The following FAM3D variants were observed in gnomAD, a reference collection of about 807,000 sequenced individuals.
The protein encoded by FAM3D is protein FAM3D.
FAM3D carries 26 observed loss-of-function variants against 29.8 expected under a neutral mutation model. The ratio of observed to expected loss-of-function variants is 0.87; its 90% CI spans 0.64 to 1.21. The LOEUF (loss-of-function observed/expected upper bound fraction) is 1.21. FAM3D is among the 50% of genes most tolerant of loss of function. The pLI, the probability that FAM3D is intolerant of heterozygous loss-of-function variation, is 0.00. For missense variants in FAM3D, 253 were observed against 290.9 expected, an observed-to-expected ratio of 0.87 and a Z score of 0.95; for synonymous variants, 115 against 102.3, an observed-to-expected ratio of 1.12 and a Z score of -0.75.
chr3:58,637,115 C>T, intron 8 of FAM3D, 26 bp downstream of exon 8: 2 of 1,601,906 alleles, frequency 1.2e-6, no homozygotes, highest in Admixed American at 1.7e-5. Flanking sequence ...CACTGTGTGG[C>T]CTGGCAGGTA....
At chr3:58,661,428 C>G (rs1315814678) in intron 1 of FAM3D, among the ~76,000 whole-genome samples, 1 of 152,206 alleles carries the variant, frequency 6.6e-6, no homozygotes, top group East Asian at 1.9e-4. Context: ...TCAGCCACCT[C>G]TCTCCTCTCC....
chr3:58,663,845 CCAG>C (rs1269084427), intron 1 of FAM3D, among the ~76,000 whole-genome samples: 18 of 93,700 alleles, frequency 1.9e-4, no homozygotes, highest in African/African-American at 4.8e-4. Flanking sequence ...TGGGTGACTC[CCAG>C]CTCCCAGCTC....
intron 3 of FAM3D, 25 bp from the exon 4 acceptor site, chr3:58,649,363 A>T: frequency 6.2e-7 from 1 of 1,613,076 alleles, no homozygotes; most frequent in Admixed American, 1.7e-5. Flanking sequence ...GAATCTGGTT[A>T]GAGGAAAAGC....
chr3:58,636,177 T>A, intron 9 of FAM3D, 117 bp downstream of exon 9: 1 of 1,464,012 alleles, frequency 6.8e-7, no homozygotes, highest in Non-Finnish European at 9.1e-7. Flanking sequence ...CAGGGGCCTC[T>A]CCCCAGACAA....
At chr3:58,648,222 G>A (rs17059586) in intron 4 of FAM3D, among the ~76,000 whole-genome samples, 22,698 of 152,276 alleles carry the variant, frequency 0.15, 1,822 homozygotes, top group Non-Finnish European at 0.18. Context: ...AGGGAGCTAG[G>A]GTTAAGGGTG....
chr3:58,651,471 A>G (rs566790982), intron 3 of FAM3D, among the ~76,000 whole-genome samples: 2 of 152,240 alleles, frequency 1.3e-5, no homozygotes, highest in African/African-American at 4.8e-5. Context: ...ATGTTAATGC[A>G]CTTTCATTTT....
chr3:58,661,560 A>G (rs557048138), intron 1 of FAM3D, among the ~76,000 whole-genome samples: 1 of 152,050 alleles, frequency 6.6e-6, no homozygotes, highest in Non-Finnish European at 1.5e-5. Context: ...TCATATTTGC[A>G]CCCTTCGACT....
intron 7 of FAM3D, among the ~76,000 whole-genome samples, chr3:58,639,046 C>G (rs954294063): frequency 6.6e-6 from 1 of 152,218 alleles, no homozygotes. Context: ...GCTCACAATG[C>G]TTCTGTTTCT....
chr3:58,648,775 G>C (rs1470868847), intron 4 of FAM3D, among the ~76,000 whole-genome samples: 2 of 152,172 alleles, frequency 1.3e-5, no homozygotes, highest in Non-Finnish European at 2.9e-5. Flanking sequence ...GCCTTGCAGG[G>C]GGTGCCCCTC....
intron 1 of FAM3D, among the ~76,000 whole-genome samples, chr3:58,661,227 C>T (rs948149427): frequency 2.1e-4 from 32 of 152,186 alleles, no homozygotes; most frequent in Non-Finnish European, 3.1e-4. Context: ...TCTAGGTAGA[C>T]CCGAGCCTCG....
intron 3 of FAM3D, among the ~76,000 whole-genome samples, chr3:58,652,076 C>T (rs551435802): frequency 1.3e-5 from 2 of 152,262 alleles, no homozygotes; most frequent in East Asian, 1.9e-4. Context: ...GGTCTTCAAG[C>T]GGGATGAATC....
rs933043480 is a variant in FAM3D at position 58,635,540 on chromosome 3, G to C, written c.585+754C>G. Among the ~76,000 whole-genome samples, 1 of 152,166 alleles carries C rather than the reference G, an allele frequency of 6.6e-6. No homozygotes were observed. Among genetic ancestry groups the C allele is most frequent in the Non-Finnish European group, 1.5e-5 (1 of 68,034 alleles). ...CTGGGTCTGGAGCCCACGCTTTGGGGCAGGAAAGCACCACCTGCCCATGCA... is the reference window on the plus strand; with the variant it reads ...CTGGGTCTGGAGCCCACGCTTTGGGCCAGGAAAGCACCACCTGCCCATGCA... On this transcript the variant is annotated intron_variant, in intron 9 of 9. Transcript: ENST00000358781. This position sits in a 1 kb window ranked among gnomAD's most constrained non-coding sequence, Gnocchi z 5.2.
chr3:58,641,824 G>A (rs1402768111), intron 6 of FAM3D, among the ~76,000 whole-genome samples: 1 of 152,166 alleles, frequency 6.6e-6, no homozygotes, highest in East Asian at 1.9e-4. Flanking sequence ...CATCCTTTTG[G>A]CTTTGTGAGA....
intron 5 of FAM3D, among the ~76,000 whole-genome samples, chr3:58,644,772 G>GA (rs373479757): frequency 4.6e-5 from 7 of 150,778 alleles, no homozygotes; most frequent in Admixed American, 1.3e-4. Flanking sequence ...CTTGCAAGTA[G>GA]AAAAAAAAAA....
intron 1 of FAM3D, among the ~76,000 whole-genome samples, chr3:58,659,229 G>C (rs1026951): frequency 0.15 from 22,713 of 152,176 alleles, 1,830 homozygotes; most frequent in African/African-American, 0.19. Flanking sequence ...TCACTCTGCT[G>C]CCTCTCGCTA....
intron 7 of FAM3D, 28 bp from the exon 8 acceptor site, chr3:58,637,253 G>T (rs1305435239): frequency 6.3e-7 from 1 of 1,581,160 alleles, no homozygotes; most frequent in Non-Finnish European, 8.6e-7. Context: ...AGGTGCTGGT[G>T]ATTTAGGGGA....
intron 5 of FAM3D, among the ~76,000 whole-genome samples, chr3:58,644,219 T>G (rs2066415770): frequency 6.6e-6 from 1 of 152,172 alleles, no homozygotes. Flanking sequence ...AAGCAGAGCA[T>G]CCTACGTCCC....
At chr3:58,644,990 C>A (rs1559499714) in intron 5 of FAM3D, among the ~76,000 whole-genome samples, 1 of 152,222 alleles carries the variant, frequency 6.6e-6, no homozygotes, top group Non-Finnish European at 1.5e-5. Flanking sequence ...TCCCTGAGTT[C>A]TTTCATAGGT....
intron 6 of FAM3D, 21 bp downstream of exon 6, chr3:58,643,641 G>A: frequency 6.2e-7 from 1 of 1,612,666 alleles, no homozygotes. Flanking sequence ...GGAACTGTCT[G>A]GGGATGGATA....
Sources: allele counts gnomAD v4.1 joint callset (sites outside exome capture counted in the v4.1 genomes callset), GRCh38; gene constraint gnomAD v4.1.1; non-coding constraint Gnocchi (gnomAD v3.1); transcripts MANE v1.5; gene names NCBI Gene and HGNC (gene_info 2026-07-23, HGNC 2026-07-21).